Variants in ROBO1 observed in about 807,000 individuals in gnomAD.
ROBO1 encodes the protein roundabout guidance receptor 1, also known as roundabout homolog 1.
In ROBO1, 149 loss-of-function variants were observed where a neutral mutation model predicts 195.9. The ratio of observed to expected loss-of-function variants is 0.76; its 90% confidence interval spans 0.67 to 0.87. The LOEUF (loss-of-function observed/expected upper bound fraction) is 0.87. Ranked by LOEUF, ROBO1 falls within the 40% of genes least tolerant of loss-of-function variation. ROBO1 has a pLI of 0.00. For synonymous variants in ROBO1, 816 were observed against 733.2 expected (o/e 1.11, Z -1.82); for missense variants, 1,933 against 2,068.3 (o/e 0.93, Z 1.27).
intron 25 of ROBO1, 104 bp from the exon 26 acceptor site, chr3:78,627,673 G>C (rs556965674): frequency 1.6e-6 from 2 of 1,235,252 alleles, no homozygotes; most frequent in Non-Finnish European, 2.2e-6. Flanking sequence ...AAATCTGAAC[G>C]TTCTCAGTCA....
chr3:78,819,259 T>C (rs1215383781), intron 4 of ROBO1, among the ~76,000 whole-genome samples: 1 of 151,438 alleles, frequency 6.6e-6, no homozygotes, highest in East Asian at 1.9e-4. Flanking sequence ...ATGTCAAATT[T>C]AGTGCTTTTT....
rs1702919903 is a variant in ROBO1, at chr3:78,597,801, T to G, written c.*1112A>C. 6.6e-6 allele frequency: 1 copy of G among 152,554 alleles called. No individual in the cohort carries two copies. Among genetic ancestry groups the G allele is most frequent in the Non-Finnish European group, 1.5e-5 (1 of 67,992 alleles). The allele number at this position is 152,554 out of a possible 1,614,324, so 9.5% of individuals were successfully genotyped here. A position where few individuals can be genotyped will look rare whatever the true frequency, so the allele number is the denominator to read the frequency against. On this transcript the variant is annotated 3_prime_UTR_variant, in exon 31 of 31. Transcript: ENST00000464233. ...AAAGTATGCATGTTACTTCACCATC[T>G]GTCATTATTCAAATATTCCAAATAC...
intron 2 of ROBO1, among the ~76,000 whole-genome samples, chr3:79,221,877 T>C (rs1190905330): frequency 3.3e-5 from 5 of 152,228 alleles, no homozygotes; most frequent in African/African-American, 1.2e-4. Flanking sequence ...TCTCTGAGAA[T>C]ACTGGATAGA....
chr3:78,854,900 C>T (rs546876155), intron 4 of ROBO1, among the ~76,000 whole-genome samples: 1 of 152,052 alleles, frequency 6.6e-6, no homozygotes, highest in East Asian at 1.9e-4. Flanking sequence ...TTCCAGGGAA[C>T]CAAAATTTAT....
At chr3:79,438,829 G>C (rs2038967055) in intron 2 of ROBO1, among the ~76,000 whole-genome samples, 1 of 151,874 alleles carries the variant, frequency 6.6e-6, no homozygotes, top group South Asian at 2.1e-4. Context: ...CAGAGTCTTG[G>C]TTCCTGTGTT....
intron 1 of ROBO1, among the ~76,000 whole-genome samples, chr3:79,591,715 GCTTATGATCACATT>G (rs1406621544): frequency 6.6e-6 from 1 of 151,742 alleles, no homozygotes; most frequent in African/African-American, 2.4e-5. Flanking sequence ...CAATGTTTTG[GCTTATGATCACATT>G]CCTCAGTGAA....
At chr3:79,312,891 A>T (rs2033552522) in intron 2 of ROBO1, among the ~76,000 whole-genome samples, 1 of 152,242 alleles carries the variant, frequency 6.6e-6, no homozygotes, top group South Asian at 2.1e-4. Context: ...AAATGTATAC[A>T]TGCATACATA....
chr3:78,695,265 T>A (rs1192736423), intron 8 of ROBO1, among the ~76,000 whole-genome samples: 2 of 151,988 alleles, frequency 1.3e-5, no homozygotes, highest in African/African-American at 4.8e-5. Context: ...ACTTAAAGTA[T>A]AATAATAAAG....
intron 3 of ROBO1, among the ~76,000 whole-genome samples, chr3:79,088,834 G>A (rs2079424202): frequency 6.6e-6 from 1 of 152,004 alleles, no homozygotes; most frequent in Admixed American, 6.6e-5. Context: ...AGATCACTGT[G>A]TGTGTGCATG....
chr3:78,770,413 TTA>T (rs1280042456), intron 4 of ROBO1, among the ~76,000 whole-genome samples: 2 of 152,206 alleles, frequency 1.3e-5, no homozygotes, highest in African/African-American at 2.4e-5. Flanking sequence ...TGTTGGCTGC[TTA>T]TATGTTTTCT....
At chr3:79,189,928 G>C (rs2081508002) in intron 2 of ROBO1, among the ~76,000 whole-genome samples, 1 of 151,580 alleles carries the variant, frequency 6.6e-6, no homozygotes, top group South Asian at 2.1e-4. Flanking sequence ...ATTTACAGTA[G>C]CCCTTTACAA....
chr3:79,596,573 T>A (rs1230903134), intron 1 of ROBO1, among the ~76,000 whole-genome samples: 1 of 152,112 alleles, frequency 6.6e-6, no homozygotes, highest in Non-Finnish European at 1.5e-5. Context: ...TTTACCTATG[T>A]ATTAATCTAT....
rs138278920 is a variant in ROBO1 at position 79,291,768 on chromosome 3, A to C, written c.89-166229T>G. On this transcript the variant is annotated intron_variant, in intron 2 of 30. Coordinates refer to ENST00000464233, the MANE Select transcript of ROBO1 (RefSeq NM_002941.4). ...CCTTCAGAAAGATTGTTATAGTTTG[A>C]AATTATCTAGATTCTCCATATGATA... is the stretch of plus-strand genomic sequence containing the variant. Among the ~76,000 whole-genome samples the C allele has an allele frequency of 5.3e-3, 813 of 152,258 alleles. 7 individuals carry two copies. Among genetic ancestry groups the C allele is most frequent in the African/African-American group, 0.019 (773 of 41,554 alleles).
intron 7 of ROBO1, 47 bp downstream of exon 7, chr3:78,717,228 T>A: frequency 6.6e-7 from 1 of 1,511,882 alleles, no homozygotes; most frequent in Non-Finnish European, 8.8e-7. Flanking sequence ...ATGAGAAACG[T>A]AGAAATGCTG....
chr3:79,441,124 T>C (rs1484861701), intron 2 of ROBO1, among the ~76,000 whole-genome samples: 2 of 152,172 alleles, frequency 1.3e-5, no homozygotes, highest in Non-Finnish European at 2.9e-5. Context: ...CAAAAGATGC[T>C]AAGGTTGAGT....
intron 2 of ROBO1, among the ~76,000 whole-genome samples, chr3:79,201,952 T>C (rs1365969744): frequency 6.6e-6 from 1 of 151,050 alleles, no homozygotes; most frequent in Non-Finnish European, 1.5e-5. Flanking sequence ...TGTGAAACTT[T>C]ACAAATGTTC....
chr3:79,309,631 A>T lies in ROBO1; in HGVS notation c.89-184092T>A, dbSNP rs2033388782. Among the ~76,000 whole-genome samples the T allele has an allele frequency of 7.9e-5, 12 of 152,204 alleles. No individual in the cohort carries two copies. In the South Asian group the frequency reaches 2.5e-3, roughly 32 times the overall value. ...AATAAAAATAAATAAATAAATAAAT[A>T]AAAATAAATTAAGCACCATGAATAA... is the stretch of plus-strand genomic sequence containing the variant. On this transcript the variant is annotated intron_variant, in intron 2 of 30. Coordinates refer to ENST00000464233, the MANE Select transcript of ROBO1 (RefSeq NM_002941.4).
At chr3:78,884,292 A>G (rs2036368196) in intron 4 of ROBO1, among the ~76,000 whole-genome samples, 1 of 152,132 alleles carries the variant, frequency 6.6e-6, no homozygotes, top group African/African-American at 2.4e-5. Flanking sequence ...AGATGTTACT[A>G]AAAGCAAGAA....
At chr3:79,326,703 G>A in intron 2 of ROBO1, among the ~76,000 whole-genome samples, 1 of 152,114 alleles carries the variant, frequency 6.6e-6, no homozygotes, top group South Asian at 2.1e-4. Context: ...GGGGACACTG[G>A]ACAATTTTTC....
Sources: gnomAD v4.1 joint callset for allele counts (sites outside exome capture counted in the v4.1 genomes callset) on GRCh38, gnomAD v4.1.1 for gene constraint, MANE v1.5 for transcripts, NCBI Gene and HGNC (gene_info 2026-07-23, HGNC 2026-07-21) for gene names.